TJP2: variants seen among roughly 807,000 people sequenced by gnomAD.
TJP2 encodes the protein Friedreich ataxia region gene X104 (tight junction protein ZO-2).
In TJP2, 91 loss-of-function variants were observed where a neutral mutation model predicts 133.1. That is an observed-to-expected ratio of 0.68 (90% confidence interval 0.58 to 0.81). The LOEUF is 0.81. TJP2 is among the 40% of genes least tolerant of loss of function. The probability of loss-of-function intolerance (pLI) is 0.00; values close to 1 mark genes in which losing one functional copy is unlikely to be tolerated. For missense variants in TJP2, 1,541 were observed against 1,565.6 expected (o/e 0.98, Z 0.26); for synonymous variants, 592 against 583.4 (o/e 1.01, Z -0.21).
intron 1 of TJP2, among the ~76,000 whole-genome samples, chr9:69,149,822 C>T (rs1823382820): frequency 6.6e-6 from 1 of 152,134 alleles, no homozygotes; most frequent in African/African-American, 2.4e-5. Context: ...AAGTATTTGC[C>T]ATCTTTCCTG....
chr9:69,164,029 C>G (rs1019404387), intron 2 of TJP2, among the ~76,000 whole-genome samples: 1 of 151,746 alleles, frequency 6.6e-6, no homozygotes, highest in Non-Finnish European at 1.5e-5. Context: ...TGATTCCTAT[C>G]ATCAGAGAAA....
intron 3 of TJP2, 147 bp downstream of exon 3, chr9:69,216,610 G>T: frequency 1.1e-6 from 1 of 938,356 alleles, no homozygotes. Flanking sequence ...AAGCTGGAAT[G>T]GAAGCCATAA....
chr9:69,132,824 C>G (rs1328174059), intron 1 of TJP2, among the ~76,000 whole-genome samples: 1 of 152,156 alleles, frequency 6.6e-6, no homozygotes, highest in African/African-American at 2.4e-5. Flanking sequence ...AGTGGGAGTT[C>G]AGAAGGCATG....
rs200355922 is a variant in TJP2 at position 69,251,281 on chromosome 9, G to C, written c.3238G>C (p.Gly1080Arg). The part of the protein sequence containing the change: ...EQDNAPKSVL[G>R]KVKIFEKMDH... ...AGATAATGCTCCCAAATCAGTCCTG[G>C]GCAAAGTCAAAATATTTGAGAAGAT... Residue 1080 changes from glycine (G) to arginine (R), a missense_variant, in exon 21 of 23, where the codon GGC becomes CGC. Gly to Arg is a moderately radical substitution (Grantham distance 125, BLOSUM62 -2). Coordinates refer to ENST00000377245, the MANE Select transcript of TJP2 (RefSeq NM_004817.4). 1 of 1,613,994 alleles carries C rather than the reference G, an allele frequency of 6.2e-7. No individual in the cohort carries two copies. Among genetic ancestry groups the C allele is most frequent in the African/African-American group, 1.3e-5 (1 of 74,888 alleles).
chr9:69,179,128 G>C (rs1479402807), intron 1 of TJP2, among the ~76,000 whole-genome samples: 1 of 152,220 alleles, frequency 6.6e-6, no homozygotes, highest in African/African-American at 2.4e-5. Context: ...TCAAGGAGAA[G>C]AGAAAATACT....
chr9:69,190,946 T>C lies in TJP2; in HGVS notation c.60+16514T>C, dbSNP rs140450819. Among the ~76,000 whole-genome samples the C allele has an allele frequency of 2.1e-4, 32 of 152,350 alleles. 1 individual carries two copies. Among genetic ancestry groups the C allele is most frequent in the Middle Eastern group, 3.4e-3 (1 of 294 alleles). On this transcript the variant is annotated intron_variant, in intron 1 of 22. Transcript: ENST00000377245. ...TTGTCAGGCCCTTTGAGAAAATGTTTCCTGGCTCCTGCCTCAGACCTCCTG... is the reference window on the plus strand; with the variant it reads ...TTGTCAGGCCCTTTGAGAAAATGTTCCCTGGCTCCTGCCTCAGACCTCCTG...
At chr9:69,233,753 G>T (rs1342678442) in intron 11 of TJP2, among the ~76,000 whole-genome samples, 3 of 151,972 alleles carry the variant, frequency 2.0e-5, no homozygotes, top group African/African-American at 7.3e-5. Flanking sequence ...CTCCAGCCTG[G>T]GCGACAGAGG....
intron 1 of TJP2, among the ~76,000 whole-genome samples, chr9:69,175,862 T>C (rs940917568): frequency 3.9e-5 from 6 of 152,180 alleles, no homozygotes; most frequent in African/African-American, 4.8e-5. Flanking sequence ...GAGCTACTTA[T>C]GCAGATTGAT....
intron 5 of TJP2, among the ~76,000 whole-genome samples, chr9:69,224,299 T>G (rs1045912772): frequency 6.6e-6 from 1 of 152,206 alleles, no homozygotes; most frequent in African/African-American, 2.4e-5. Context: ...TGCAGTGCCT[T>G]CCTGTAGACA....
chr9:69,238,620 G>C, intron 15 of TJP2, 90 bp from the exon 16 acceptor site: 1 of 953,940 alleles, frequency 1.0e-6, no homozygotes, highest in Non-Finnish European at 1.7e-6. Context: ...TTAATGTCAG[G>C]TGTGCCATCA....
Position 69,252,897 on chromosome 9 carries a change from C to T in TJP2, c.3404C>T (p.Thr1135Met), listed in dbSNP as rs760371356. The T allele has an allele frequency of 2.6e-5, 42 of 1,614,160 alleles. No homozygotes were observed. Among genetic ancestry groups the T allele is most frequent in the South Asian group, 5.5e-5 (5 of 91,086 alleles). Reference sequence around the variant, plus strand: ...CCAGACCCTGGCACGCCCCAGCACACGAGGTAAGGGCTGCCTAGTGGGTAC... The same window carrying T: ...CCAGACCCTGGCACGCCCCAGCACATGAGGTAAGGGCTGCCTAGTGGGTAC... ...HKPDPGTPQH[T>M]SSRPPEPQKA... Residue 1135 changes from threonine (T) to methionine (M), a missense_variant, in exon 22 of 23, where the codon ACG becomes ATG. Transcript: ENST00000377245.
rs778761662 is a variant in TJP2 at position 69,251,003 on chromosome 9, C to T, written c.2992-32C>T. 1.3e-5 allele frequency: 20 copies of T among 1,594,616 alleles called. No individual in the cohort carries two copies. In the South Asian group the frequency reaches 2.1e-4, roughly 17 times the overall value. On this transcript the variant is annotated intron_variant, in intron 20 of 22. Coordinates refer to ENST00000377245, the MANE Select transcript of TJP2 (RefSeq NM_004817.4). The stretch of plus-strand genomic sequence containing the variant: ...TAGATTTGAAAATAAACTTAAAAGC[C>T]CAGGGTGAAAACGTGTCATTGCTCT...
chr9:69,184,280 T>C (rs11145588), intron 1 of TJP2, among the ~76,000 whole-genome samples: 28,334 of 152,182 alleles, frequency 0.19, 2,727 homozygotes, highest in Middle Eastern at 0.24. Context: ...GCGCAAAAAA[T>C]GGAAGCCCAC....
At chr9:69,214,482 T>C (rs1828196549) in intron 2 of TJP2, among the ~76,000 whole-genome samples, 1 of 152,206 alleles carries the variant, frequency 6.6e-6, no homozygotes, top group Non-Finnish European at 1.5e-5. Context: ...TAATAAATCT[T>C]ATTTCCGATC....
rs1822237696 is a variant in TJP2 at position 69,123,632 on chromosome 9, A to G, written c.-131+1907A>G. Among the ~76,000 whole-genome samples, 4 of 76,784 alleles carry G rather than the reference A, an allele frequency of 5.2e-5. 1 individual carries two copies. The South Asian group carries it at 1.5e-3, about 28-fold the overall frequency. The allele number at this position is 76,784 out of a possible 152,430, so 50.4% of individuals were successfully genotyped here. On this transcript the variant is annotated intron_variant, in intron 1 of 5. Transcript: ENST00000423935. Reference sequence around the variant, plus strand: ...GAATTCCTGGGTAGACAAAAGCACTATAGCTCAAGGTTCTTAGAGTGCACG... The same window carrying G: ...GAATTCCTGGGTAGACAAAAGCACTGTAGCTCAAGGTTCTTAGAGTGCACG...
intron 1 of TJP2, among the ~76,000 whole-genome samples, chr9:69,137,212 CTT>C (rs1822772147): frequency 6.6e-6 from 1 of 150,428 alleles, no homozygotes; most frequent in African/African-American, 2.5e-5. Flanking sequence ...TCATGAGCTT[CTT>C]TGTTTTCTTT....
intron 1 of TJP2, among the ~76,000 whole-genome samples, chr9:69,198,306 G>A (rs1241981974): frequency 5.9e-5 from 9 of 151,894 alleles, no homozygotes; most frequent in East Asian, 1.9e-4. Flanking sequence ...TACACCCAGC[G>A]AATTTTTTTA....
chr9:69,121,548 C>G, exon 1 of TJP2: 1 of 178,830 alleles, frequency 5.6e-6, no homozygotes, highest in Non-Finnish European at 1.1e-5. Context: ...CCTCCCATTC[C>G]CGGGGAGCTT....
At chr9:69,139,759 C>T (rs1822930324) in intron 1 of TJP2, among the ~76,000 whole-genome samples, 1 of 152,230 alleles carries the variant, frequency 6.6e-6, no homozygotes, top group African/African-American at 2.4e-5. Flanking sequence ...GAGAGCGAGA[C>T]CAGGTCTCCC....
Sources: allele counts gnomAD v4.1 joint callset (sites outside exome capture counted in the v4.1 genomes callset), GRCh38; gene constraint gnomAD v4.1.1; transcripts MANE v1.5; gene names NCBI Gene and HGNC (gene_info 2026-07-23, HGNC 2026-07-21).